The following SCEL variants were observed in gnomAD, a reference collection of about 807,000 sequenced individuals.
SCEL encodes sciellin.
Under a neutral mutation model 117.6 loss-of-function variants are expected in SCEL, and 113 were observed. The observed-to-expected ratio is 0.96, with a 90% CI of 0.83 to 1.12. The LOEUF is 1.12. Ranked by LOEUF, SCEL falls within the 50% of genes most tolerant of loss-of-function variation. The pLI is 0.00. For synonymous variants in SCEL, 270 were observed against 256.2 expected, an observed-to-expected ratio of 1.05 and a Z score of -0.51; for missense variants, 785 against 810.8, an observed-to-expected ratio of 0.97 and a Z score of 0.39.
intron 11 of SCEL, 112 bp downstream of exon 11, chr13:77,591,572 C>G: frequency 1.6e-6 from 1 of 628,574 alleles, no homozygotes; most frequent in Non-Finnish European, 2.8e-6. Flanking sequence ...AATCAGTTTT[C>G]CAACTGACTC....
chr13:77,605,484 A>C (rs910576714), intron 19 of SCEL, among the ~76,000 whole-genome samples: 3 of 152,108 alleles, frequency 2.0e-5, no homozygotes, highest in African/African-American at 7.2e-5. Flanking sequence ...CAAAAATCCT[A>C]TATTCGAATT....
At chr13:77,587,679 T>A (rs1205702984) in intron 9 of SCEL, among the ~76,000 whole-genome samples, 1 of 152,186 alleles carries the variant, frequency 6.6e-6, no homozygotes, top group African/African-American at 2.4e-5. Context: ...ACTCTTTCCT[T>A]GAAACTTTTC....
intron 9 of SCEL, among the ~76,000 whole-genome samples, chr13:77,578,092 C>T (rs889553397): frequency 6.6e-6 from 1 of 152,176 alleles, no homozygotes; most frequent in South Asian, 2.1e-4. Context: ...GTCACACCCA[C>T]ACTTAAAACA....
chr13:77,566,109 C>T (rs781169117), intron 5 of SCEL, among the ~76,000 whole-genome samples: 12 of 152,062 alleles, frequency 7.9e-5, no homozygotes, highest in East Asian at 1.9e-4. Context: ...ACTTATTCCC[C>T]GGGTAGCATG....
chr13:77,604,107 G>A (rs1288479104), intron 18 of SCEL, among the ~76,000 whole-genome samples: 2 of 151,992 alleles, frequency 1.3e-5, no homozygotes, highest in Non-Finnish European at 2.9e-5. Flanking sequence ...TAAATAACAA[G>A]TTTCATATAT....
At chr13:77,562,413 A>G (rs917281147) in intron 4 of SCEL, among the ~76,000 whole-genome samples, 6 of 151,946 alleles carry the variant, frequency 3.9e-5, no homozygotes, top group African/African-American at 1.5e-4. Context: ...TGTATTTGGC[A>G]TTTTTCTTCA....
chr13:77,556,798 T>C (rs2084684905), intron 3 of SCEL, 85 bp downstream of exon 3: 2 of 949,142 alleles, frequency 2.1e-6, no homozygotes, highest in Admixed American at 3.8e-5. Context: ...ATCTGAAAAG[T>C]GAATACTTTT....
At chr13:77,564,739 A>G (rs1452654195) in intron 5 of SCEL, among the ~76,000 whole-genome samples, 2 of 152,168 alleles carry the variant, frequency 1.3e-5, no homozygotes, top group East Asian at 1.9e-4. Context: ...AAGCAAATAC[A>G]TGGTAACTTA....
Position 77,613,930 on chromosome 13 carries a change from C to A in SCEL, c.1426C>A (p.Pro476Thr), listed in dbSNP as rs1156599267. The A allele has an allele frequency of 6.2e-7, 1 of 1,612,848 alleles. No homozygotes were observed. The highest frequency in any genetic ancestry group is 8.5e-7 in the Non-Finnish European group (1 of 1,179,492). ...TCTTGATGAACATATTAATGTCAGC[C>A]CCAAAGCTGTCAAAAACACTGATGG... The part of the protein sequence containing the change: ...QGLDEHINVS[P>T]KAVKNTDGKQ... The change falls in exon 24 of 33, where the codon CCC (proline) becomes ACC (threonine). Residue 476 changes from proline to threonine, a missense_variant. By Grantham distance (38) the Pro-to-Thr change is conservative. Coordinates refer to ENST00000349847, the MANE Select transcript of SCEL (RefSeq NM_144777.3).
chr13:77,618,120 C>CCCTCCTTG lies in SCEL; in HGVS notation c.1628+66_1628+73dup, dbSNP rs1567426338. The CCCTCCTTG allele has an allele frequency of 7.0e-6, 9 of 1,282,322 alleles. No individual in the cohort carries two copies. The South Asian group carries it at 1.1e-4, about 15-fold the overall frequency. The allele number at this position is 1,282,322 out of a possible 1,614,324, so 79.4% of individuals were successfully genotyped here. ...GTTTCTAGGGTAGGAACTTCTCCCT[C>CCCTCCTTG]CCTCCTTGCCTCCCTGCCTCCCTCC... On this transcript the variant is annotated intron_variant, in intron 27 of 32. Coordinates refer to ENST00000349847, the MANE Select transcript of SCEL (RefSeq NM_144777.3).
intron 32 of SCEL, among the ~76,000 whole-genome samples, chr13:77,643,206 A>G (rs2090643154): frequency 6.6e-6 from 1 of 152,156 alleles, no homozygotes; most frequent in South Asian, 2.1e-4. Context: ...ATGCTTTTGA[A>G]TATTACTTTT....
At chr13:77,563,629 A>G (rs1013609262) in intron 4 of SCEL, among the ~76,000 whole-genome samples, 3 of 152,206 alleles carry the variant, frequency 2.0e-5, no homozygotes, top group Non-Finnish European at 4.4e-5. Flanking sequence ...AGAATCTTTT[A>G]TTAGCATAGG....
chr13:77,540,601 A>G (rs558082163), intron 1 of SCEL, among the ~76,000 whole-genome samples: 157 of 152,314 alleles, frequency 1.0e-3, no homozygotes, highest in Non-Finnish European at 2.0e-3. Context: ...GAAGTTCAGG[A>G]AGAAGAGTGT....
chr13:77,619,675 G>A (rs1323062823), intron 27 of SCEL, among the ~76,000 whole-genome samples: 1 of 152,184 alleles, frequency 6.6e-6, no homozygotes. Context: ...CTCCTGCTGA[G>A]AATCGTACGG....
intron 4 of SCEL, among the ~76,000 whole-genome samples, chr13:77,561,879 A>G (rs1308166349): frequency 6.6e-6 from 1 of 152,174 alleles, no homozygotes; most frequent in Non-Finnish European, 1.5e-5. Flanking sequence ...GTGGGCATGG[A>G]GCAAGGAAAG....
rs1184047138 is a variant in SCEL, at chr13:77,644,961, A to G, written c.*687A>G. ...TTAAGCCTATTGAACTAGGTAGGAC[A>G]TATAAACAATTTAATTTTAGTGTCA... On this transcript the variant is annotated 3_prime_UTR_variant, in exon 33 of 33. Coordinates refer to ENST00000349847, the MANE Select transcript of SCEL (RefSeq NM_144777.3). The G allele has an allele frequency of 1.3e-5, 2 of 152,192 alleles. No homozygotes were observed. The highest frequency in any genetic ancestry group is 2.9e-5 in the Non-Finnish European group (2 of 68,010). 9.4% of individuals were successfully genotyped at this position (152,192 alleles called of 1,614,324 possible).
chr13:77,541,889 C>T (rs670470), intron 1 of SCEL, among the ~76,000 whole-genome samples: 6,493 of 152,240 alleles, frequency 0.043, 466 homozygotes, highest in African/African-American at 0.15. Flanking sequence ...AGATAACTAA[C>T]AGGGTTTTGG....
At chr13:77,565,001 C>A (rs1362059848) in intron 5 of SCEL, among the ~76,000 whole-genome samples, 1 of 152,148 alleles carries the variant, frequency 6.6e-6, no homozygotes, top group Non-Finnish European at 1.5e-5. Context: ...TACCTCTGTC[C>A]ATTCATCCTG....
At chr13:77,591,669 A>C (rs1034954498) in intron 11 of SCEL, among the ~76,000 whole-genome samples, 1 of 152,192 alleles carries the variant, frequency 6.6e-6, no homozygotes, top group Admixed American at 6.5e-5. Flanking sequence ...GAAAACTACC[A>C]AAATGGTGTG....
Sources: allele counts gnomAD v4.1 joint callset (sites outside exome capture counted in the v4.1 genomes callset), GRCh38; gene constraint gnomAD v4.1.1; transcripts MANE v1.5; gene names NCBI Gene and HGNC (gene_info 2026-07-23, HGNC 2026-07-21).